Variants in NIN observed in about 807,000 individuals in gnomAD.
NIN encodes the protein ninein.
In NIN, 137 loss-of-function variants were observed where a neutral mutation model predicts 257.6. The observed-to-expected ratio is 0.53, with a 90% confidence interval of 0.46 to 0.61. The LOEUF (loss-of-function observed/expected upper bound fraction) is 0.61, where lower values mean the gene tolerates loss of function less well. NIN is among the 20% of genes least tolerant of loss of function. NIN has a pLI of 0.00. For synonymous variants in NIN, 918 were observed against 919.8 expected, an observed-to-expected ratio of 1.00 and a Z score of 0.04; for missense variants, 2,439 against 2,501.2, an observed-to-expected ratio of 0.98 and a Z score of 0.53.
At chr14:50,818,709 C>T (rs1425171030) in intron 3 of NIN, among the ~76,000 whole-genome samples, 1 of 152,136 alleles carries the variant, frequency 6.6e-6, no homozygotes, top group African/African-American at 2.4e-5. Flanking sequence ...ATCAGGGATC[C>T]ACAAGCTTTA....
intron 21 of NIN, among the ~76,000 whole-genome samples, chr14:50,748,680 A>G (rs1461286571): frequency 6.6e-6 from 1 of 152,246 alleles, no homozygotes; most frequent in African/African-American, 2.4e-5. Context: ...TACCAATGAT[A>G]GCCAAATCAT....
intron 20 of NIN, among the ~76,000 whole-genome samples, chr14:50,754,284 G>C (rs184128881): frequency 2.0e-5 from 3 of 152,122 alleles, no homozygotes; most frequent in East Asian, 3.8e-4. Context: ...CTAATATTTC[G>C]TAGGTATGGT....
intron 14 of NIN, among the ~76,000 whole-genome samples, chr14:50,765,314 T>G (rs1191619119): frequency 2.6e-5 from 4 of 152,134 alleles, no homozygotes; most frequent in Non-Finnish European, 2.9e-5. Flanking sequence ...TACTGATGAA[T>G]TCATTAAATG....
At chr14:50,809,707 C>A (rs530708490) in intron 3 of NIN, among the ~76,000 whole-genome samples, 2 of 152,296 alleles carry the variant, frequency 1.3e-5, no homozygotes, top group East Asian at 3.9e-4. Context: ...TTTACTTTCC[C>A]TGACACATGA....
rs753244002 is a variant in NIN at position 50,726,006 on chromosome 14, GT to G, written c.6138del (p.Lys2046AsnfsTer2). On this transcript the variant is annotated frameshift_variant, in exon 30 of 31. Transcript: ENST00000530997. LOFTEE classifies it high-confidence loss of function. Reference protein sequence around the residue: ...MEERMIEVEQKLKLVKRLLQE... With the variant: ...MEERMIEVEQXLKLVKRLLQE... ...TGAAGAAGCCTTTTCACTAGTTTCA[GT>G]TTCTGTTCAACTTCTATCATTCGTT... is the stretch of plus-strand genomic sequence containing the variant. 6.2e-7 allele frequency: 1 copy of G among 1,614,062 alleles called. No homozygotes were observed. Among genetic ancestry groups the G allele is most frequent in the Non-Finnish European group, 8.5e-7 (1 of 1,179,954 alleles).
intron 6 of NIN, 127 bp from the exon 7 acceptor site, chr14:50,777,266 T>C (rs1205160525): frequency 4.1e-6 from 3 of 726,554 alleles, no homozygotes; most frequent in Non-Finnish European, 6.7e-6. Flanking sequence ...TCAATTCCAT[T>C]TTGATTTGGT....
At position 50,792,877 on chromosome 14, in the gene NIN, G is replaced by C; in HGVS notation, c.270C>G (p.Cys90Trp). The change falls in exon 5 of 31, where the codon TGC becomes TGG. Residue 90 changes from cysteine (C) to tryptophan (W), a missense_variant. Cys to Trp is a radical substitution (Grantham distance 215). Transcript: ENST00000530997. ...SNEEHFQEPDCSLEAQPKYVR... is the reference protein window; with the variant it reads ...SNEEHFQEPDWSLEAQPKYVR... ...CATATTTGGGCTGAGCTTCTAGTGA[G>C]CAGTCTGAGAGAGGAGACAAGAGTT... 1 of 1,614,190 alleles carries C rather than the reference G, an allele frequency of 6.2e-7. No homozygotes were observed. The highest frequency in any genetic ancestry group is 1.1e-5 in the South Asian group (1 of 91,080).
intron 8 of NIN, 47 bp from the exon 9 acceptor site, chr14:50,772,515 T>C: frequency 1.9e-6 from 3 of 1,580,084 alleles, no homozygotes; most frequent in Non-Finnish European, 2.6e-6. Context: ...ATTCCAGGCA[T>C]TTCAACAAGA....
At chr14:50,749,614 A>T (rs1047513852) in intron 21 of NIN, among the ~76,000 whole-genome samples, 2 of 152,120 alleles carry the variant, frequency 1.3e-5, no homozygotes, top group Non-Finnish European at 2.9e-5. Flanking sequence ...TTCTTCATTT[A>T]TTAATTGGAA....
intron 3 of NIN, among the ~76,000 whole-genome samples, chr14:50,812,594 G>A (rs1448939620): frequency 6.6e-6 from 1 of 152,200 alleles, no homozygotes; most frequent in Non-Finnish European, 1.5e-5. Context: ...GTAACTACAA[G>A]ATAGAAGCTG....
intron 29 of NIN, chr14:50,727,531 T>C: frequency 8.0e-7 from 1 of 1,242,892 alleles, no homozygotes; most frequent in East Asian, 3.8e-5. Flanking sequence ...AGAGACATAA[T>C]ACTGCAAAGG....
At chr14:50,758,890 G>T (rs2042154053) in intron 17 of NIN, among the ~76,000 whole-genome samples, 1 of 152,092 alleles carries the variant, frequency 6.6e-6, no homozygotes. Flanking sequence ...TAATTTCTCT[G>T]GCACACTCCC....
At chr14:50,816,453 C>T (rs890770630) in intron 3 of NIN, among the ~76,000 whole-genome samples, 5 of 152,108 alleles carry the variant, frequency 3.3e-5, no homozygotes, top group Non-Finnish European at 7.3e-5. Flanking sequence ...TATACTATCT[C>T]CATGTGGTGG....
chr14:50,720,203 T>G lies in NIN; in HGVS notation c.*3260A>C, dbSNP rs1050205111. 5 of 222,898 alleles carry G rather than the reference T, an allele frequency of 2.2e-5. No individual in the cohort carries two copies. The highest frequency in any genetic ancestry group is 4.5e-5 in the Non-Finnish European group (5 of 111,662). The allele number at this position is 222,898 out of a possible 1,614,324, so 13.8% of individuals were successfully genotyped here. A position where few individuals can be genotyped will look rare whatever the true frequency, so the allele number is the denominator to read the frequency against. Reference sequence around the variant, plus strand: ...TTGGTTAATTAGGCTTTGACTTGGTTTTTGGCATTACTTGTATAATTATAT... The same window carrying G: ...TTGGTTAATTAGGCTTTGACTTGGTGTTTGGCATTACTTGTATAATTATAT... On this transcript the variant is annotated 3_prime_UTR_variant, in exon 31 of 31. Transcript: ENST00000530997.
chr14:50,810,013 C>G (rs2044509109), intron 3 of NIN, among the ~76,000 whole-genome samples: 1 of 151,976 alleles, frequency 6.6e-6, no homozygotes, highest in South Asian at 2.1e-4. Flanking sequence ...GGGTGGATCA[C>G]GAGGTCAGGA....
At chr14:50,763,368 T>C (rs1444793470) in intron 15 of NIN, among the ~76,000 whole-genome samples, 4 of 152,234 alleles carry the variant, frequency 2.6e-5, no homozygotes, top group Admixed American at 6.5e-5. Context: ...GCTGAGGCAA[T>C]ACAGACATTC....
intron 5 of NIN, 105 bp from the exon 6 acceptor site, chr14:50,778,909 A>G: frequency 2.6e-6 from 3 of 1,175,788 alleles, no homozygotes; most frequent in Non-Finnish European, 3.8e-6. Flanking sequence ...ATCATCATCT[A>G]AGTGAGTCAC....
At chr14:50,817,438 C>T (rs930986192) in intron 3 of NIN, among the ~76,000 whole-genome samples, 4 of 152,058 alleles carry the variant, frequency 2.6e-5, no homozygotes, top group Non-Finnish European at 4.4e-5. Context: ...TTAGAAAGAA[C>T]CTCAAACCCT....
chr14:50,765,669 C>T (rs986105397), intron 14 of NIN, among the ~76,000 whole-genome samples: 1 of 150,966 alleles, frequency 6.6e-6, no homozygotes, highest in Non-Finnish European at 1.5e-5. Context: ...GATTTACTAG[C>T]TAAGACTTGA....
Sources: allele counts gnomAD v4.1 joint callset (sites outside exome capture counted in the v4.1 genomes callset), GRCh38; gene constraint gnomAD v4.1.1; transcripts MANE v1.5; gene names NCBI Gene and HGNC (gene_info 2026-07-23, HGNC 2026-07-21).